The following MYO6 variants were observed in gnomAD, a reference collection of about 807,000 sequenced individuals.
MYO6 encodes the protein unconventional myosin-VI.
A neutral mutation model predicts 178.7 loss-of-function variants in MYO6; 74 were observed. The observed-to-expected ratio is 0.41, with a 90% CI of 0.34 to 0.50. The LOEUF (loss-of-function observed/expected upper bound fraction) is 0.50, where lower values mean the gene tolerates loss of function less well. Ranked by LOEUF, MYO6 falls within the 20% of genes least tolerant of loss-of-function variation. The pLI is 0.09. For missense variants in MYO6, 1,330 were observed against 1,547.4 expected (o/e 0.86, Z 2.36); for synonymous variants, 477 against 504.6 (o/e 0.95, Z 0.73).
At chr6:75,758,322 A>T (rs565830388) in intron 1 of MYO6, among the ~76,000 whole-genome samples, 1 of 152,278 alleles carries the variant, frequency 6.6e-6, no homozygotes, top group African/African-American at 2.4e-5. Flanking sequence ...TATGTGGTAG[A>T]GGGAAGTGAA....
intron 6 of MYO6, among the ~76,000 whole-genome samples, chr6:75,834,159 G>A (rs779913274): frequency 2.6e-4 from 40 of 151,818 alleles, no homozygotes; most frequent in Admixed American, 6.6e-4. Context: ...CTCCTAATGT[G>A]TTCTCTTTGC....
At chr6:75,825,606 A>G (rs950234297) in intron 3 of MYO6, among the ~76,000 whole-genome samples, 5 of 152,204 alleles carry the variant, frequency 3.3e-5, no homozygotes, top group Admixed American at 6.5e-5. Flanking sequence ...AATAATAAAT[A>G]AATAAAATTG....
chr6:75,752,329 G>A (rs1047012838), intron 1 of MYO6, among the ~76,000 whole-genome samples: 7 of 152,108 alleles, frequency 4.6e-5, no homozygotes, highest in African/African-American at 1.7e-4. Context: ...TTGTGAACTG[G>A]CCCTTTACTA....
intron 22 of MYO6, 50 bp from the exon 23 acceptor site, chr6:75,881,639 T>A (rs1264937743): frequency 6.4e-7 from 1 of 1,566,666 alleles, no homozygotes; most frequent in East Asian, 2.3e-5. Flanking sequence ...CTTTATGTGT[T>A]CAAATGCATT....
chr6:75,914,812 G>C lies in MYO6; in HGVS notation c.3659-1G>C. The C allele has an allele frequency of 6.2e-7, 1 of 1,614,100 alleles. No individual in the cohort carries two copies. The highest frequency in any genetic ancestry group is 8.5e-7 in the Non-Finnish European group (1 of 1,179,954). ...AATTTTCTGATATCTCATGAATACA[G>C]GTAAGGACGACATGGAGATGTGTGA... On this transcript the variant is annotated splice_acceptor_variant, in intron 34 of 34. Transcript: ENST00000369977. LOFTEE classifies it high-confidence loss of function.
chr6:75,792,634 C>A (rs1768363289), intron 1 of MYO6, among the ~76,000 whole-genome samples: 1 of 151,738 alleles, frequency 6.6e-6, no homozygotes, highest in African/African-American at 2.4e-5. Flanking sequence ...TGTGGGATTG[C>A]CACTAGGTGG....
chr6:75,760,048 T>G (rs555139721), intron 1 of MYO6, among the ~76,000 whole-genome samples: 37 of 152,338 alleles, frequency 2.4e-4, no homozygotes, highest in African/African-American at 8.4e-4. Context: ...GAATTTATAC[T>G]TGTATTCACC....
chr6:75,850,108 A>G (rs1355432033), intron 11 of MYO6, among the ~76,000 whole-genome samples: 1 of 152,090 alleles, frequency 6.6e-6, no homozygotes, highest in Non-Finnish European at 1.5e-5. Context: ...TTTTAAGCAC[A>G]TATCTTTAAT....
At chr6:75,875,717 GC>G (rs1206056862) in intron 20 of MYO6, among the ~76,000 whole-genome samples, 3 of 152,230 alleles carry the variant, frequency 2.0e-5, no homozygotes, top group Non-Finnish European at 4.4e-5. Flanking sequence ...CCCCAGTTCT[GC>G]TATTGTAACC....
rs1583255888 is a variant in MYO6 at position 75,845,096 on chromosome 6, A to G, written c.897+119A>G. ...GTTCTAACTTTTAGGCTTATACTTT[A>G]AAAAATTAAATATTCATCTAAGTCT... On this transcript the variant is annotated intron_variant, in intron 10 of 34. Coordinates refer to ENST00000369977, the MANE Select transcript of MYO6 (RefSeq NM_004999.4). 1.1e-5 allele frequency: 9 copies of G among 792,784 alleles called. No individual in the cohort carries two copies. In the East Asian group the frequency reaches 2.3e-4, roughly 20 times the overall value. The allele number at this position is 792,784 out of a possible 1,614,324, so 49.1% of individuals were successfully genotyped here.
chr6:75,756,893 GTATA>G lies in MYO6; in HGVS notation c.-48+7485_-48+7488del, dbSNP rs371732070. Among the ~76,000 whole-genome samples, 15 of 79,760 alleles carry G rather than the reference GTATA, an allele frequency of 1.9e-4. 1 individual carries two copies. The highest frequency in any genetic ancestry group is 3.1e-4 in the East Asian group (1 of 3,186). 52.3% of individuals were successfully genotyped at this position (79,760 alleles called of 152,430 possible). On this transcript the variant is annotated intron_variant, in intron 1 of 34. Transcript: ENST00000369977. ...AAGAGTACTTATGTGTGTTGTGTGTGTATATATATATATATATACACATATATAT... is the reference window on the plus strand; with the variant it reads ...AAGAGTACTTATGTGTGTTGTGTGTGTATATATATATATACACATATATAT...
In MYO6 at chr6:75,800,037, T is replaced by C. The variant is rs1769285771; in HGVS notation, c.-47-17464T>C. Among the ~76,000 whole-genome samples the C allele has an allele frequency of 2.0e-5, 3 of 152,192 alleles. 1 individual carries two copies. The highest frequency in any genetic ancestry group is 4.1e-4 in the South Asian group (2 of 4,832). On this transcript the variant is annotated intron_variant, in intron 1 of 34. Coordinates refer to ENST00000369977, the MANE Select transcript of MYO6 (RefSeq NM_004999.4). ...TTATTTAGAAAGAATGTGCTTTTCT[T>C]TTTTGTTTAGGATGAAAAATACTAA...
At chr6:75,828,415 T>A in intron 3 of MYO6, 125 bp from the exon 4 acceptor site, 1 of 649,262 alleles carries the variant, frequency 1.5e-6, no homozygotes, top group Non-Finnish European at 2.8e-6. Context: ...TTAAAAAAGA[T>A]GGAGTTAAAT....
At chr6:75,757,164 GTA>G (rs2149970605) in intron 1 of MYO6, among the ~76,000 whole-genome samples, 1 of 145,978 alleles carries the variant, frequency 6.9e-6, no homozygotes, top group African/African-American at 2.5e-5. Context: ...GTGTGTGTAT[GTA>G]TATACACACA....
chr6:75,806,869 G>GAAGGC (rs1314227166), intron 1 of MYO6, among the ~76,000 whole-genome samples: 1 of 152,200 alleles, frequency 6.6e-6, no homozygotes, highest in African/African-American at 2.4e-5. Flanking sequence ...TCTCAGCTCT[G>GAAGGC]AAGGCTGTGA....
intron 11 of MYO6, among the ~76,000 whole-genome samples, chr6:75,852,371 T>A (rs367908237): frequency 9.8e-5 from 15 of 152,294 alleles, no homozygotes; most frequent in East Asian, 5.8e-4. Context: ...CTAGTTAATA[T>A]ACCATACAGT....
intron 31 of MYO6, 48 bp from the exon 32 acceptor site, chr6:75,908,448 A>G (rs1206170497): frequency 6.3e-7 from 1 of 1,586,462 alleles, no homozygotes; most frequent in Non-Finnish European, 8.6e-7. Context: ...ATGTTAGACG[A>G]ATAAATTAAC....
intron 1 of MYO6, among the ~76,000 whole-genome samples, chr6:75,765,267 C>G (rs896369061): frequency 6.7e-5 from 10 of 149,190 alleles, no homozygotes; most frequent in South Asian, 2.2e-4. Flanking sequence ...ACCTCCACCC[C>G]CTGGGTCCAA....
intron 5 of MYO6, among the ~76,000 whole-genome samples, chr6:75,832,392 A>G (rs1482880262): frequency 6.6e-6 from 1 of 152,132 alleles, no homozygotes; most frequent in African/African-American, 2.4e-5. Flanking sequence ...TGTATTAGAG[A>G]AAAAAACCCA....
Sources: allele counts gnomAD v4.1 joint callset (sites outside exome capture counted in the v4.1 genomes callset), GRCh38; gene constraint gnomAD v4.1.1; transcripts MANE v1.5; gene names NCBI Gene and HGNC (gene_info 2026-07-23, HGNC 2026-07-21).